Variants in EHHADH observed in about 807,000 individuals in gnomAD.
EHHADH encodes peroxisomal bifunctional enzyme.
Under a neutral mutation model 64.4 loss-of-function variants are expected in EHHADH, and 48 were observed. That is an observed-to-expected ratio of 0.75 (90% CI 0.59 to 0.95). EHHADH has a LOEUF of 0.95. Ranked by LOEUF, EHHADH falls within the 40% of genes least tolerant of loss-of-function variation. The probability of loss-of-function intolerance (pLI) is 0.00; values close to 1 mark genes in which losing one functional copy is unlikely to be tolerated. For synonymous variants in EHHADH, 308 were observed against 326.7 expected (o/e 0.94, Z 0.62); for missense variants, 854 against 876.6 (o/e 0.97, Z 0.33).
chr3:185,199,278 G>T (rs555602986), intron 6 of EHHADH, among the ~76,000 whole-genome samples: 8 of 152,196 alleles, frequency 5.3e-5, no homozygotes, highest in Non-Finnish European at 1.0e-4. Context: ...AATGTTGTTT[G>T]TTCCCAACAC....
intron 5 of EHHADH, among the ~76,000 whole-genome samples, chr3:185,212,857 C>T (rs1021485828): frequency 1.3e-5 from 2 of 152,010 alleles, no homozygotes; most frequent in Non-Finnish European, 2.9e-5. Context: ...CGGTAGCTCA[C>T]GCCTGTAATC....
Position 185,193,088 on chromosome 3 carries a change from G to A in EHHADH, c.1310C>T (p.Ala437Val), listed in dbSNP as rs1717950157. 1 of 1,613,862 alleles carries A rather than the reference G, an allele frequency of 6.2e-7. No individual in the cohort carries two copies. Among genetic ancestry groups the A allele is most frequent in the Non-Finnish European group, 8.5e-7 (1 of 1,179,938 alleles). Reference sequence around the variant, plus strand: ...AACCTCTAACAACTTCATGACATGAGCTGGCGAAAAGAAGTGGGTGCCAAT... The same window carrying A: ...AACCTCTAACAACTTCATGACATGAACTGGCGAAAAGAAGTGGGTGCCAAT... Reference protein sequence around the residue: ...LVIGTHFFSPAHVMKLLEVIP... With the variant: ...LVIGTHFFSPVHVMKLLEVIP... The change falls in exon 7 of 7, where the codon GCT becomes GTT. Residue 437 changes from alanine (A) to valine (V), a missense_variant. Physicochemically the swap from Ala to Val is moderately conservative, Grantham distance 64 (BLOSUM62 0). Coordinates refer to ENST00000231887, the MANE Select transcript of EHHADH (RefSeq NM_001966.4).
At chr3:185,240,716 T>A (rs990682746) in intron 2 of EHHADH, among the ~76,000 whole-genome samples, 3 of 152,126 alleles carry the variant, frequency 2.0e-5, no homozygotes, top group Admixed American at 6.5e-5. Flanking sequence ...AAGAACCAAC[T>A]TTTCATCTCA....
At chr3:185,212,965 C>G (rs1718584231) in intron 5 of EHHADH, among the ~76,000 whole-genome samples, 1 of 151,470 alleles carries the variant, frequency 6.6e-6, no homozygotes, top group South Asian at 2.1e-4. Flanking sequence ...ACTAAAAACA[C>G]AAAAATTAGC....
intron 5 of EHHADH, among the ~76,000 whole-genome samples, chr3:185,213,079 C>G (rs1271194584): frequency 8.8e-6 from 1 of 113,826 alleles, no homozygotes. Context: ...AAGATTGCAC[C>G]ATTGTACTCC....
chr3:185,237,597 C>G lies in EHHADH; in HGVS notation c.179-2135G>C, dbSNP rs1039056762. ...CGTCAAATGTTATAGAATGCTTTTT[C>G]TACATCTCGACATAATCATATAATT... On this transcript the variant is annotated intron_variant, in intron 2 of 6. Coordinates refer to ENST00000231887, the MANE Select transcript of EHHADH (RefSeq NM_001966.4). Among the ~76,000 whole-genome samples the G allele has an allele frequency of 2.0e-5, 3 of 152,212 alleles. No homozygotes were observed. The East Asian group carries it at 5.8e-4, about 29-fold the overall frequency.
At chr3:185,224,123 T>C (rs1234963857) in intron 4 of EHHADH, among the ~76,000 whole-genome samples, 2 of 152,108 alleles carry the variant, frequency 1.3e-5, no homozygotes, top group African/African-American at 4.8e-5. Context: ...AAGTTGGCAC[T>C]TTTTTTCCTC....
chr3:185,246,175 A>G (rs1719588676), intron 2 of EHHADH: 3 of 1,015,312 alleles, frequency 3.0e-6, no homozygotes, highest in Non-Finnish European at 4.6e-6. Flanking sequence ...AGCTTCATCA[A>G]TATCAAATAT....
chr3:185,225,366 C>A (rs910305338), intron 4 of EHHADH, among the ~76,000 whole-genome samples: 11 of 152,106 alleles, frequency 7.2e-5, no homozygotes, highest in African/African-American at 2.7e-4. Context: ...CTTTCTCTCA[C>A]ATCTCGTATC....
At chr3:185,251,125 TGAA>T (rs1719733776) in intron 1 of EHHADH, among the ~76,000 whole-genome samples, 1 of 152,212 alleles carries the variant, frequency 6.6e-6, no homozygotes, top group Admixed American at 6.5e-5. Flanking sequence ...CTGTCAGGCA[TGAA>T]GAAATAGAGT....
In EHHADH at chr3:185,254,040, G is replaced by A. The variant is rs1339034158; in HGVS notation, c.-18C>T. 1.2e-6 allele frequency: 2 copies of A among 1,611,978 alleles called. No individual in the cohort carries two copies. Among genetic ancestry groups the A allele is most frequent in the Non-Finnish European group, 1.7e-6 (2 of 1,178,580 alleles). ...TCGGCCATGTTTCCTCTATCACCGA[G>A]GGCACCTCTGCCTCTCGCCGTCAGG... On this transcript the variant is annotated 5_prime_UTR_variant, in exon 1 of 7. Coordinates refer to ENST00000231887, the MANE Select transcript of EHHADH (RefSeq NM_001966.4).
chr3:185,193,333 G>A lies in EHHADH; in HGVS notation c.1065C>T (p.Gly355=), dbSNP rs761606930. 5 of 1,613,744 alleles carry A rather than the reference G, an allele frequency of 3.1e-6. No homozygotes were observed. Among genetic ancestry groups the A allele is most frequent in the Non-Finnish European group, 4.2e-6 (5 of 1,179,920 alleles). Reference sequence around the variant, plus strand: ...TGGGTTTTGGTCCTGACCAAGGGTGGCCGCTCTGTTGCATTTTGGAGGCTT... The same window carrying A: ...TGGGTTTTGGTCCTGACCAAGGGTGACCGCTCTGTTGCATTTTGGAGGCTT... ...EKEASKMQQS[G]HPWSGPKPRL... The change falls in exon 7 of 7, where the codon GGC becomes GGT. Residue 355 remains glycine, a synonymous_variant. Coordinates refer to ENST00000231887, the MANE Select transcript of EHHADH (RefSeq NM_001966.4).
intron 2 of EHHADH, among the ~76,000 whole-genome samples, chr3:185,237,244 A>C (rs1423428623): frequency 6.6e-6 from 1 of 152,166 alleles, no homozygotes; most frequent in Non-Finnish European, 1.5e-5. Context: ...AAATTTTCTT[A>C]TTAATTCTAA....
In EHHADH at chr3:185,192,931, G is replaced by A. The variant is rs922036553; in HGVS notation, c.1467C>T (p.Tyr489=). The change falls in exon 7 of 7, where the codon TAC becomes TAT. Residue 489 remains tyrosine (Y), a synonymous_variant. Transcript: ENST00000231887. ...CTTCTAACAAGAAATATGCCTGATT[G>A]TAGTAAGGATTCAACATTCGATTCC... is the stretch of plus-strand genomic sequence containing the variant. The part of the protein sequence containing the change: ...FVGNRMLNPY[Y]NQAYFLLEEG... 4.3e-6 allele frequency: 7 copies of A among 1,613,848 alleles called. No homozygotes were observed. The Admixed American group carries it at 1.0e-4, about 23-fold the overall frequency.
At chr3:185,249,548 G>A (rs993804172) in intron 1 of EHHADH, among the ~76,000 whole-genome samples, 4 of 152,160 alleles carry the variant, frequency 2.6e-5, no homozygotes, top group African/African-American at 9.7e-5. Context: ...TGTTCTGTGA[G>A]GGAATTCTCA....
In EHHADH at chr3:185,218,176, G is replaced by C; in HGVS notation, c.528C>G (p.Asp176Glu). The C allele has an allele frequency of 6.2e-7, 1 of 1,606,852 alleles. No homozygotes were observed. The highest frequency in any genetic ancestry group is 8.5e-7 in the Non-Finnish European group (1 of 1,177,538). Residue 176 changes from aspartate (D) to glutamate (E), a missense_variant, in exon 5 of 7, where the codon GAC becomes GAG. Transcript: ENST00000231887. Reference sequence around the variant, plus strand: ...CAAATCTGATTGCTTCTTCAACCGGGTCTGAGTTTACAACTTTATCTAGAA... The same window carrying C: ...CAAATCTGATTGCTTCTTCAACCGGCTCTGAGTTTACAACTTTATCTAGAA... ...LGILDKVVNS[D>E]PVEEAIRFAQ...
intron 2 of EHHADH, among the ~76,000 whole-genome samples, chr3:185,242,900 T>A (rs1159129845): frequency 6.6e-6 from 1 of 152,208 alleles, no homozygotes; most frequent in Non-Finnish European, 1.5e-5. Context: ...CTGGTTCAAA[T>A]TGTTACAAAG....
At chr3:185,217,469 C>T (rs1718710338) in intron 5 of EHHADH, among the ~76,000 whole-genome samples, 1 of 147,850 alleles carries the variant, frequency 6.8e-6, no homozygotes, top group African/African-American at 2.5e-5. Flanking sequence ...TCACTTGAAC[C>T]CAGGAGGCAG....
chr3:185,196,696 A>G (rs1718073738), intron 6 of EHHADH, among the ~76,000 whole-genome samples: 1 of 152,150 alleles, frequency 6.6e-6, no homozygotes, highest in Non-Finnish European at 1.5e-5. Context: ...TCTTGAAAGC[A>G]TTATGCTAAG....
Sources: gnomAD v4.1 joint callset for allele counts (sites outside exome capture counted in the v4.1 genomes callset) on GRCh38, gnomAD v4.1.1 for gene constraint, MANE v1.5 for transcripts, NCBI Gene and HGNC (gene_info 2026-07-23, HGNC 2026-07-21) for gene names.